SEMA3D: variants seen among roughly 807,000 people sequenced by gnomAD.
The protein encoded by SEMA3D is semaphorin 3D.
A neutral mutation model predicts 100.1 loss-of-function variants in SEMA3D; 84 were observed. That is an observed-to-expected ratio of 0.84 (90% CI 0.70 to 1.01). SEMA3D has a LOEUF of 1.01. Ranked by LOEUF, SEMA3D falls within the 50% of genes least tolerant of loss-of-function variation. The pLI, the probability that SEMA3D is intolerant of heterozygous loss-of-function variation, is 0.00. For synonymous variants in SEMA3D, 312 were observed against 320.7 expected (o/e 0.97, Z 0.29); for missense variants, 875 against 934.1 (o/e 0.94, Z 0.82).
intron 14 of SEMA3D, 35 bp from the exon 15 acceptor site, chr7:85,018,328 C>G (rs775678586): frequency 7.4e-7 from 1 of 1,359,876 alleles, no homozygotes; most frequent in South Asian, 1.2e-5. Flanking sequence ...TAAAGATAAT[C>G]ATTAACAGGT....
intron 10 of SEMA3D, 42 bp from the exon 11 acceptor site, chr7:85,040,784 T>C (rs1460874513): frequency 2.2e-6 from 2 of 916,630 alleles, no homozygotes; most frequent in East Asian, 2.5e-5. Flanking sequence ...TATTTTTCAG[T>C]ATTACATTGC....
At chr7:85,219,945 A>G in the SEMA3D span, among the ~76,000 whole-genome samples, 1 of 152,058 alleles carries the variant, frequency 6.6e-6, no homozygotes, top group Admixed American at 6.6e-5. Flanking sequence ...TTTCATTAAT[A>G]TTATTCCAAG....
intron 4 of SEMA3D, among the ~76,000 whole-genome samples, chr7:85,090,423 A>G (rs1583912295): frequency 6.6e-6 from 1 of 152,116 alleles, no homozygotes; most frequent in East Asian, 1.9e-4. Flanking sequence ...CTCGGCAGGC[A>G]ATGGAAACAG....
At chr7:85,008,080 G>C (rs1386487032) in intron 17 of SEMA3D, among the ~76,000 whole-genome samples, 1 of 151,778 alleles carries the variant, frequency 6.6e-6, no homozygotes, top group Admixed American at 6.6e-5. Context: ...TTATAGCTGT[G>C]ATTTTTACAG....
intron 8 of SEMA3D, 131 bp downstream of exon 8, chr7:85,065,293 T>C: frequency 1.2e-6 from 1 of 818,972 alleles, no homozygotes; most frequent in Non-Finnish European, 1.8e-6. Flanking sequence ...TGGGGAATTA[T>C]TTCAAATGTA....
the SEMA3D span, among the ~76,000 whole-genome samples, chr7:85,247,447 G>T: frequency 6.6e-6 from 1 of 152,086 alleles, no homozygotes; most frequent in Non-Finnish European, 1.5e-5. Flanking sequence ...AAGACATCAT[G>T]TGCACAAACT....
chr7:85,192,559 A>T, the SEMA3D span, among the ~76,000 whole-genome samples: 2 of 152,100 alleles, frequency 1.3e-5, no homozygotes, highest in Admixed American at 6.5e-5. Flanking sequence ...AATAAATGCA[A>T]CTTCTCAAAG....
the SEMA3D span, among the ~76,000 whole-genome samples, chr7:85,238,566 C>A: frequency 6.6e-6 from 1 of 152,158 alleles, no homozygotes; most frequent in Non-Finnish European, 1.5e-5. Context: ...GTCTCTTCTT[C>A]CTCCAATACA....
intron 2 of SEMA3D, among the ~76,000 whole-genome samples, chr7:85,137,889 C>T (rs942275423): frequency 6.6e-6 from 1 of 152,020 alleles, no homozygotes. Context: ...CAACCTTATC[C>T]AAAAAACATT....
intron 1 of SEMA3D, among the ~76,000 whole-genome samples, chr7:85,168,820 T>TGAAAGAAAGAAAGAAAGAAA (rs59563448): frequency 5.8e-5 from 7 of 121,152 alleles, no homozygotes; most frequent in Middle Eastern, 3.7e-3. Flanking sequence ...GAAAGAAAGA[T>TGAAAGAAAGAAAGAAAGAAA]GAAAGAAAGA....
At chr7:85,134,930 G>A (rs1204417177) in intron 2 of SEMA3D, among the ~76,000 whole-genome samples, 3 of 151,932 alleles carry the variant, frequency 2.0e-5, no homozygotes, top group Non-Finnish European at 2.9e-5. Flanking sequence ...CCTCCAAAAC[G>A]GGAGGAATAA....
chr7:85,164,796 A>C (rs1790850892), intron 1 of SEMA3D, among the ~76,000 whole-genome samples: 1 of 152,132 alleles, frequency 6.6e-6, no homozygotes, highest in Non-Finnish European at 1.5e-5. Context: ...TAGAACTTAG[A>C]ACCTGTATAA....
rs1466350996 is a variant in SEMA3D, at chr7:84,997,750, G to T, written c.*1690C>A. 1 of 152,460 alleles carries T rather than the reference G, an allele frequency of 6.6e-6. No individual in the cohort carries two copies. The highest frequency in any genetic ancestry group is 1.5e-5 in the Non-Finnish European group (1 of 67,968). The allele number at this position is 152,460 out of a possible 1,614,324, so 9.4% of individuals were successfully genotyped here. ...GATATGTAGAATGCATGAGAAACGA[G>T]CAATGTCTGTTATTTTCTGAAAAGC... On this transcript the variant is annotated 3_prime_UTR_variant, in exon 19 of 19. Transcript: ENST00000284136.
chr7:85,059,440 G>A (rs544938937), intron 8 of SEMA3D, among the ~76,000 whole-genome samples: 37 of 152,142 alleles, frequency 2.4e-4, no homozygotes, highest in Admixed American at 3.9e-4. Context: ...GGATTACATC[G>A]GTATTAACAT....
chr7:85,087,591 T>A (rs1788261624), intron 4 of SEMA3D, among the ~76,000 whole-genome samples: 1 of 152,270 alleles, frequency 6.6e-6, no homozygotes, highest in South Asian at 2.1e-4. Flanking sequence ...TTCTTACAGA[T>A]CTAGTTGATA....
chr7:85,147,379 A>G (rs963272373), intron 2 of SEMA3D, among the ~76,000 whole-genome samples: 1 of 151,388 alleles, frequency 6.6e-6, no homozygotes, highest in South Asian at 2.1e-4. Context: ...TCAAAAACCA[A>G]CCTCAGGTGA....
intron 17 of SEMA3D, among the ~76,000 whole-genome samples, chr7:85,008,000 C>G (rs1026170973): frequency 6.6e-6 from 1 of 151,800 alleles, no homozygotes; most frequent in African/African-American, 2.4e-5. Context: ...TTAACCTCAT[C>G]TAACCTTCAA....
At chr7:85,098,011 G>A (rs747517220) in intron 3 of SEMA3D, 46 bp from the exon 4 acceptor site, 2 of 930,288 alleles carry the variant, frequency 2.1e-6, no homozygotes, top group Non-Finnish European at 3.0e-6. Flanking sequence ...AAAAAAGAAA[G>A]AAAGAAAGAG....
chr7:85,159,994 C>T (rs1790701894), intron 1 of SEMA3D: 54 of 981,380 alleles, frequency 5.5e-5, no homozygotes, highest in Non-Finnish European at 6.4e-5. Flanking sequence ...TCATATCTAC[C>T]ACATCTCTCC....
Sources: gnomAD v4.1 joint callset for allele counts (sites outside exome capture counted in the v4.1 genomes callset) on GRCh38, gnomAD v4.1.1 for gene constraint, MANE v1.5 for transcripts, NCBI Gene and HGNC (gene_info 2026-07-23, HGNC 2026-07-21) for gene names.